Variants in HYDIN observed in about 807,000 individuals in gnomAD.
The protein encoded by HYDIN is HYDIN axonemal central pair apparatus protein, also known as axonemal central pair apparatus protein HYDIN.
A neutral mutation model predicts 403.9 loss-of-function variants in HYDIN; 132 were observed. The ratio of observed to expected loss-of-function variants is 0.33; its 90% CI spans 0.28 to 0.38. HYDIN has a LOEUF of 0.38. Ranked by LOEUF, HYDIN falls within the 10% of genes least tolerant of loss-of-function variation. HYDIN has a pLI of 1.00. For missense variants in HYDIN, 2,827 were observed against 5,009.5 expected (o/e 0.56, Z 13.15); for synonymous variants, 1,202 against 1,891.7 (o/e 0.64, Z 9.46).
At chr16:71,077,669 GT>G (rs1177602837) in intron 13 of HYDIN, among the ~76,000 whole-genome samples, 1 of 149,918 alleles carries the variant, frequency 6.7e-6, no homozygotes, top group East Asian at 1.9e-4. Flanking sequence ...TTTGTTTTTT[GT>G]TTTTTTTGTC....
At chr16:70,822,010 G>A (rs2036298535) in intron 83 of HYDIN, among the ~76,000 whole-genome samples, 1 of 152,156 alleles carries the variant, frequency 6.6e-6, no homozygotes, top group Non-Finnish European at 1.5e-5. Flanking sequence ...TTGTTTTCAT[G>A]CCTGCTAACA....
At chr16:70,842,686 A>G (rs1480667727) in intron 75 of HYDIN, among the ~76,000 whole-genome samples, 2 of 151,940 alleles carry the variant, frequency 1.3e-5, no homozygotes, top group African/African-American at 2.4e-5. Flanking sequence ...GCCAATTTTT[A>G]TCTTTCTATT....
intron 7 of HYDIN, among the ~76,000 whole-genome samples, chr16:71,141,063 T>C (rs1452285285): frequency 3.3e-5 from 5 of 151,578 alleles, no homozygotes; most frequent in African/African-American, 7.3e-5. Flanking sequence ...ATCTATAAAA[T>C]AGAAATTGAT....
In HYDIN at chr16:70,835,024, ATG is replaced by A. The variant is rs201558953; in HGVS notation, c.13401+650_13401+651del. On this transcript the variant is annotated intron_variant, in intron 78 of 85. Coordinates refer to ENST00000393567, the MANE Select transcript of HYDIN (RefSeq NM_001270974.2). The stretch of plus-strand genomic sequence containing the variant: ...TATATATATACACACACATATATAT[ATG>A]TTTTTTTTTTTTTTGAGATGGAGTG... Among the ~76,000 whole-genome samples the A allele has an allele frequency of 9.1e-3, 1,301 of 143,056 alleles. 17 individuals carry two copies. Among genetic ancestry groups the A allele is most frequent in the Middle Eastern group, 0.085 (23 of 270 alleles). 93.9% of individuals were successfully genotyped at this position (143,056 alleles called of 152,430 possible).
intron 50 of HYDIN, among the ~76,000 whole-genome samples, chr16:70,904,427 A>G (rs1264242978): frequency 8.4e-6 from 1 of 119,464 alleles, no homozygotes; most frequent in African/African-American, 3.1e-5. Flanking sequence ...AAATATGTAG[A>G]TCTATCCTTA....
At chr16:71,112,499 CAG>C (rs1487848464) in intron 10 of HYDIN, among the ~76,000 whole-genome samples, 3 of 151,296 alleles carry the variant, frequency 2.0e-5, no homozygotes, top group African/African-American at 2.4e-5. Context: ...TTAGAAACCA[CAG>C]GGGGGAAATC....
At chr16:71,191,330 T>C (rs1291575099) in intron 1 of HYDIN, among the ~76,000 whole-genome samples, 1 of 152,196 alleles carries the variant, frequency 6.6e-6, no homozygotes, top group African/African-American at 2.4e-5. Context: ...AGTTATTATC[T>C]GATATTTAGT....
intron 1 of HYDIN, among the ~76,000 whole-genome samples, chr16:71,207,985 T>C (rs1402625269): frequency 6.6e-6 from 1 of 152,106 alleles, no homozygotes; most frequent in Admixed American, 6.5e-5. Flanking sequence ...GAGATTTCAA[T>C]ACCCTACTGA....
intron 53 of HYDIN, among the ~76,000 whole-genome samples, chr16:70,898,797 G>A (rs1170991003): frequency 2.0e-5 from 3 of 149,962 alleles, no homozygotes; most frequent in Non-Finnish European, 4.5e-5. Flanking sequence ...AGGCTGGAGT[G>A]CAGTGGTGCG....
chr16:70,922,272 C>T (rs1245633144), intron 45 of HYDIN, among the ~76,000 whole-genome samples: 1 of 152,246 alleles, frequency 6.6e-6, no homozygotes, highest in East Asian at 1.9e-4. Context: ...TTCCTTCACG[C>T]TCTGCCAAGA....
At chr16:70,985,382 G>C in intron 27 of HYDIN, 60 bp from the exon 28 acceptor site, 1 of 1,013,102 alleles carries the variant, frequency 9.9e-7, no homozygotes, top group Admixed American at 2.3e-5. Context: ...TAGTGACAAA[G>C]GTGCAGAAAC....
At chr16:71,179,287 A>G (rs2086806518) in intron 3 of HYDIN, among the ~76,000 whole-genome samples, 1 of 152,156 alleles carries the variant, frequency 6.6e-6, no homozygotes, top group South Asian at 2.1e-4. Flanking sequence ...ACACATGCCT[A>G]CTTTTCAACA....
chr16:70,826,237 T>TTGGC (rs1336610229), intron 83 of HYDIN, among the ~76,000 whole-genome samples: 1 of 127,122 alleles, frequency 7.9e-6, no homozygotes, highest in Non-Finnish European at 1.6e-5. Flanking sequence ...ATGCTTGTTA[T>TTGGC]TATTTCATTT....
chr16:71,163,001 G>C (rs972115788), intron 5 of HYDIN, among the ~76,000 whole-genome samples: 4 of 152,144 alleles, frequency 2.6e-5, no homozygotes, highest in African/African-American at 4.8e-5. Flanking sequence ...GTAGGATGAA[G>C]GTCAGTGGAA....
intron 64 of HYDIN, among the ~76,000 whole-genome samples, chr16:70,872,524 TCCATCCATCATCCATTCATCCATCCA>T (rs1369712664): frequency 2.1e-5 from 3 of 145,344 alleles, no homozygotes; most frequent in Non-Finnish European, 3.0e-5. Context: ...TATCCATCCA[TCCATCCATCATCCATTCATCCATCCA>T]CCATCCACCC....
chr16:70,922,968 A>G (rs1201809502), intron 45 of HYDIN, among the ~76,000 whole-genome samples: 257 of 151,656 alleles, frequency 1.7e-3, no homozygotes, highest in African/African-American at 5.6e-3. Flanking sequence ...CAGTTTTGCC[A>G]TGTTGCCCAG....
In HYDIN at chr16:70,951,279, AGGGAGAGAGG is replaced by A. The variant is rs1303820928; in HGVS notation, c.6531+1132_6531+1141del. Among the ~76,000 whole-genome samples the A allele has an allele frequency of 2.0e-4, 29 of 144,618 alleles. 1 individual carries two copies. Among genetic ancestry groups the A allele is most frequent in the African/African-American group, 7.5e-4 (29 of 38,916 alleles). 94.9% of individuals were successfully genotyped at this position (144,618 alleles called of 152,430 possible). A position where few individuals can be genotyped will look rare whatever the true frequency, so the allele number is the denominator to read the frequency against. ...GAGAGAGAGAGAGAGAGAGAGAGAG[AGGGAGAGAGG>A]GAGAGAGAGAGAGAGAAACTTCACA... On this transcript the variant is annotated intron_variant, in intron 41 of 85. Transcript: ENST00000393567.
chr16:71,011,666 G>A (rs1334393965), intron 23 of HYDIN, among the ~76,000 whole-genome samples: 1 of 152,076 alleles, frequency 6.6e-6, no homozygotes, highest in Non-Finnish European at 1.5e-5. Context: ...TTAAGGGTGT[G>A]GTGAACTAAG....
intron 37 of HYDIN, among the ~76,000 whole-genome samples, chr16:70,964,434 T>C (rs902139394): frequency 2.6e-5 from 4 of 151,714 alleles, no homozygotes; most frequent in Non-Finnish European, 5.9e-5. Context: ...CATCTGTACG[T>C]CCAAAGCCCT....
Sources: allele counts gnomAD v4.1 joint callset (sites outside exome capture counted in the v4.1 genomes callset), GRCh38; gene constraint gnomAD v4.1.1; transcripts MANE v1.5; gene names NCBI Gene and HGNC (gene_info 2026-07-23, HGNC 2026-07-21).